Variants in DHX29 observed in about 807,000 individuals in gnomAD.
The protein encoded by DHX29 is ATP-dependent RNA helicase DHX29.
Under a neutral mutation model 167.9 loss-of-function variants are expected in DHX29, and 79 were observed. The ratio of observed to expected loss-of-function variants is 0.47; its 90% CI spans 0.39 to 0.57. DHX29 has a LOEUF of 0.57. Among genes scored for constraint, DHX29 ranks in the 20% least tolerant of loss-of-function variants. The pLI, the probability that DHX29 is intolerant of heterozygous loss-of-function variation, is 0.00. For synonymous variants in DHX29, 530 were observed against 546.0 expected (o/e 0.97, Z 0.41); for missense variants, 1,347 against 1,593.4 (o/e 0.85, Z 2.63).
At chr5:55,276,764 T>C (rs1341463541) in intron 13 of DHX29, among the ~76,000 whole-genome samples, 1 of 152,126 alleles carries the variant, frequency 6.6e-6, no homozygotes, top group Non-Finnish European at 1.5e-5. Flanking sequence ...AGGAGTTCCT[T>C]ATTGCCAGGT....
At chr5:55,306,399 C>T (rs779515887) in intron 1 of DHX29, among the ~76,000 whole-genome samples, 2 of 152,168 alleles carry the variant, frequency 1.3e-5, no homozygotes, top group African/African-American at 2.4e-5. Context: ...CTCATCTCAG[C>T]TTAACTGTTA....
chr5:55,257,044 C>G (rs1746089045), intron 26 of DHX29, among the ~76,000 whole-genome samples: 1 of 152,060 alleles, frequency 6.6e-6, no homozygotes, highest in Admixed American at 6.6e-5. Flanking sequence ...AACAGGGAAG[C>G]GCTCTTGGAG....
At chr5:55,283,087 C>T in intron 11 of DHX29, 116 bp downstream of exon 11, 1 of 1,134,616 alleles carries the variant, frequency 8.8e-7, no homozygotes, top group Non-Finnish European at 1.2e-6. Context: ...AAATGTGCTA[C>T]TGATCAACCA....
At chr5:55,264,461 G>A (rs231627) in intron 23 of DHX29, among the ~76,000 whole-genome samples, 122,339 of 152,148 alleles carry the variant, frequency 0.8, 49,952 homozygotes, top group Non-Finnish European at 0.89. Context: ...AATATTTAGG[G>A]ACATATAATA....
At chr5:55,259,788 A>AT in intron 26 of DHX29, 60 bp downstream of exon 26, 1 of 941,492 alleles carries the variant, frequency 1.1e-6, no homozygotes. Context: ...ATTAATACAT[A>AT]GGTATGTGTA....
intron 16 of DHX29, 138 bp from the exon 17 acceptor site, chr5:55,273,515 C>A (rs949529383): frequency 1.8e-6 from 2 of 1,086,514 alleles, no homozygotes; most frequent in South Asian, 3.3e-5. Context: ...CAAGTGTTTA[C>A]AGAATTGTAC....
intron 21 of DHX29, 45 bp downstream of exon 21, chr5:55,269,368 C>A: frequency 1.3e-6 from 2 of 1,580,656 alleles, no homozygotes; most frequent in South Asian, 2.2e-5. Context: ...ATTTCCTGGT[C>A]AAAGGATATT....
chr5:55,283,715 T>C lies in DHX29; in HGVS notation c.1453A>G (p.Asn485Asp), dbSNP rs745421015. The C allele has an allele frequency of 1.9e-6, 3 of 1,614,050 alleles. No individual in the cohort carries two copies. Among genetic ancestry groups the C allele is most frequent in the African/African-American group, 2.7e-5 (2 of 75,036 alleles). Residue 485 changes from asparagine to aspartate, a missense_variant, in exon 11 of 27, where the codon AAT becomes GAT. By Grantham distance (23) the Asn-to-Asp change is conservative (BLOSUM62 1). Transcript: ENST00000251636. ...GCAATAAAAAGATCACGTGGTTTAT[T>C]GGTTTCCATTTTATTTAATTCTTCC... ...KREELNKMET[N>D]KPRDLFIAKL...
chr5:55,277,610 A>G (rs1233773921), intron 12 of DHX29, among the ~76,000 whole-genome samples: 6 of 152,128 alleles, frequency 3.9e-5, no homozygotes, highest in African/African-American at 9.7e-5. Context: ...TGAGGGGTGC[A>G]TGAAAAAGGA....
In DHX29 at chr5:55,297,300, A is replaced by G. The variant is rs762400591; in HGVS notation, c.360T>C (p.Thr120=). The G allele has an allele frequency of 6.4e-7, 1 of 1,572,330 alleles. No homozygotes were observed. Among genetic ancestry groups the G allele is most frequent in the African/African-American group, 1.4e-5 (1 of 74,060 alleles). The part of the protein sequence containing the change: ...NDKGMISGRL[T]AKKLQDLYMA... The stretch of plus-strand genomic sequence containing the variant: ...TGCAAAATACCTGCAATTTTTTGGC[A>G]GTAAGTCTTCCAGAAATCATTCCTT... Residue 120 remains threonine, a synonymous_variant, in exon 3 of 27, where the codon ACT becomes ACC. Coordinates refer to ENST00000251636, the MANE Select transcript of DHX29 (RefSeq NM_019030.4).
In DHX29 at chr5:55,298,578, C is replaced by G; in HGVS notation, c.261+13G>C. 6.9e-7 allele frequency: 1 copy of G among 1,453,036 alleles called. No homozygotes were observed. The highest frequency in any genetic ancestry group is 1.7e-5 in the Admixed American group (1 of 58,380). 90.0% of individuals were successfully genotyped at this position (1,453,036 alleles called of 1,614,324 possible). On this transcript the variant is annotated intron_variant, in intron 2 of 26. Transcript: ENST00000251636. ...AACATTTCTTGAAATGACTCAAAAC[C>G]TTTGTTACTTACTTTCAAAATAGAT...
rs907148596 is a variant in DHX29 at position 55,270,827 on chromosome 5, C to T, written c.2865-121G>A. On this transcript the variant is annotated intron_variant, in intron 18 of 26. Transcript: ENST00000251636. The stretch of plus-strand genomic sequence containing the variant: ...GCTTAAAAAATCCATTATTGTGGAC[C>T]AATAGTTCTCAAATTATGCTTCATA... 4 of 664,424 alleles carry T rather than the reference C, an allele frequency of 6.0e-6. No individual in the cohort carries two copies. In the African/African-American group the frequency reaches 7.3e-5, roughly 12 times the overall value. The allele number at this position is 664,424 out of a possible 1,614,324, so 41.2% of individuals were successfully genotyped here. A position where few individuals can be genotyped will look rare whatever the true frequency, so the allele number is the denominator to read the frequency against.
chr5:55,302,902 G>A (rs962893623), intron 1 of DHX29, among the ~76,000 whole-genome samples: 2 of 152,128 alleles, frequency 1.3e-5, no homozygotes, highest in African/African-American at 4.8e-5. Context: ...TTTTGGTTTT[G>A]TGTTTAAGAT....
In DHX29 at chr5:55,276,325, C is replaced by G. The variant is rs756283565; in HGVS notation, c.2368G>C (p.Glu790Gln). 10 of 1,604,750 alleles carry G rather than the reference C, an allele frequency of 6.2e-6. No homozygotes were observed. The highest frequency in any genetic ancestry group is 8.5e-6 in the Non-Finnish European group (10 of 1,176,964). The change falls in exon 14 of 27, where the codon GAG becomes CAG. Residue 790 changes from glutamate (E) to glutamine (Q), a missense_variant. By Grantham distance (29) the Glu-to-Gln change is conservative. Transcript: ENST00000251636. Reference sequence around the variant, plus strand: ...ACATTAATGGTTACTTCTTCTTCCTCTTCCAGAAATTTCTGACAATATTCT... The same window carrying G: ...ACATTAATGGTTACTTCTTCTTCCTGTTCCAGAAATTTCTGACAATATTCT... The part of the protein sequence containing the change: ...DSEYCQKFLE[E>Q]EEEVTINVTS...
intron 6 of DHX29, 98 bp from the exon 7 acceptor site, chr5:55,290,442 A>G: frequency 7.3e-7 from 1 of 1,368,862 alleles, no homozygotes; most frequent in Non-Finnish European, 9.7e-7. Flanking sequence ...TGATATTTTT[A>G]CCTTATCCTT....
intron 1 of DHX29, among the ~76,000 whole-genome samples, chr5:55,301,401 T>C (rs893111193): frequency 2.6e-5 from 4 of 152,116 alleles, no homozygotes; most frequent in African/African-American, 4.8e-5. Flanking sequence ...GAGCACACTT[T>C]GAGAAACACT....
intron 23 of DHX29, among the ~76,000 whole-genome samples, chr5:55,263,848 C>G (rs1207238948): frequency 6.7e-6 from 1 of 150,212 alleles, no homozygotes; most frequent in Non-Finnish European, 1.5e-5. Flanking sequence ...AAAGTTCATT[C>G]CACTTAGAGA....
chr5:55,267,756 C>T lies in DHX29; in HGVS notation c.3361G>A (p.Ala1121Thr). 1 of 1,609,734 alleles carries T rather than the reference C, an allele frequency of 6.2e-7. No individual in the cohort carries two copies. Among genetic ancestry groups the T allele is most frequent in the Non-Finnish European group, 8.5e-7 (1 of 1,177,870 alleles). ...GCCAAAGCTGATTTTGCAAGATCTG[C>T]TTCATCTTTTCGACCAATTGGTGTG... ...FTTPIGRKDE[A>T]DLAKSALAMA... Residue 1121 changes from alanine to threonine, a missense_variant, in exon 22 of 27, where the codon GCA (alanine) becomes ACA (threonine). By Grantham distance (58) the Ala-to-Thr change is moderately conservative. Around this residue, in one of 3 missense-constraint regions of DHX29, gnomAD observed 882 missense variants for 1,082.4 expected, o/e 0.81. Coordinates refer to ENST00000251636, the MANE Select transcript of DHX29 (RefSeq NM_019030.4).
At chr5:55,274,819 A>C in intron 15 of DHX29, 47 bp downstream of exon 15, 1 of 1,575,850 alleles carries the variant, frequency 6.3e-7, no homozygotes, top group Non-Finnish European at 8.6e-7. Flanking sequence ...AGCTAGTAGA[A>C]ATGTTTTATC....
Sources: allele counts gnomAD v4.1 joint callset (sites outside exome capture counted in the v4.1 genomes callset), GRCh38; gene constraint gnomAD v4.1.1; regional missense constraint gnomAD v4.1.1; transcripts MANE v1.5; gene names NCBI Gene and HGNC (gene_info 2026-07-23, HGNC 2026-07-21).